COP1: variants seen among roughly 807,000 people sequenced by gnomAD.
COP1 encodes the protein E3 ubiquitin-protein ligase COP1.
In COP1, 24 loss-of-function variants were observed where a neutral mutation model predicts 101.3. The ratio of observed to expected loss-of-function variants is 0.24; its 90% CI spans 0.17 to 0.33. The LOEUF (loss-of-function observed/expected upper bound fraction) is 0.33. COP1 is among the 10% of genes least tolerant of loss of function. The pLI, the probability that COP1 is intolerant of heterozygous loss-of-function variation, is 1.00. For synonymous variants in COP1, 347 were observed against 341.9 expected, an observed-to-expected ratio of 1.01 and a Z score of -0.17; for missense variants, 663 against 906.2, an observed-to-expected ratio of 0.73 and a Z score of 3.45.
At chr1:176,000,694 A>G (rs193195867) in intron 15 of COP1, among the ~76,000 whole-genome samples, 2 of 151,768 alleles carry the variant, frequency 1.3e-5, no homozygotes, top group East Asian at 3.9e-4. Flanking sequence ...AGGGTTCTCA[A>G]CCTGTATATG....
At chr1:175,983,508 G>A (rs540706711) in intron 18 of COP1, among the ~76,000 whole-genome samples, 1 of 152,294 alleles carries the variant, frequency 6.6e-6, no homozygotes, top group South Asian at 2.1e-4. Flanking sequence ...AAATTACCCA[G>A]TCTTGAGTAT....
chr1:176,081,722 AC>A (rs1486171251), intron 10 of COP1, among the ~76,000 whole-genome samples: 1 of 152,120 alleles, frequency 6.6e-6, no homozygotes, highest in Non-Finnish European at 1.5e-5. Context: ...GTTTATAATA[AC>A]ATTTTAGATA....
intron 9 of COP1, among the ~76,000 whole-genome samples, chr1:176,102,304 TAC>T (rs1337434278): frequency 2.6e-4 from 40 of 152,242 alleles, no homozygotes; most frequent in African/African-American, 9.4e-4. Context: ...CTCACCCTTG[TAC>T]GTGCCTGCAA....
chr1:176,107,814 C>T (rs925085972), intron 9 of COP1, among the ~76,000 whole-genome samples: 16 of 152,060 alleles, frequency 1.1e-4, no homozygotes, highest in Non-Finnish European at 2.1e-4. Flanking sequence ...CTAAGGAGGA[C>T]AAAATAGGAC....
intron 3 of COP1, among the ~76,000 whole-genome samples, chr1:176,169,126 TTAA>T (rs1447140148): frequency 2.6e-5 from 4 of 152,132 alleles, no homozygotes; most frequent in African/African-American, 9.7e-5. Flanking sequence ...TCCCATCAAC[TTAA>T]TTAATATAAA....
At chr1:176,078,809 C>CA (rs1251456664) in intron 11 of COP1, among the ~76,000 whole-genome samples, 16 of 151,208 alleles carry the variant, frequency 1.1e-4, no homozygotes, top group Non-Finnish European at 1.3e-4. Context: ...CTGTGAAAAA[C>CA]AAAAAAATCC....
At chr1:176,184,249 T>C (rs1408412978) in intron 2 of COP1, among the ~76,000 whole-genome samples, 2 of 152,226 alleles carry the variant, frequency 1.3e-5, no homozygotes, top group East Asian at 3.8e-4. Flanking sequence ...TAATCCTGTA[T>C]TCTTTTTCCA....
In COP1 at chr1:176,206,910, C is replaced by T; in HGVS notation, c.69G>A (p.Ser23=). The part of the protein sequence containing the change: ...GTSPGSSAAS[S]VTSASSSLSS... Reference sequence around the variant, plus strand: ...ATAAAGACGAGGAGGCGGAAGTCACCGAGGAGGCCGCCGAGGACCCGGGGC... The same window carrying T: ...ATAAAGACGAGGAGGCGGAAGTCACTGAGGAGGCCGCCGAGGACCCGGGGC... Residue 23 remains serine, a synonymous_variant, in exon 1 of 20, where the codon TCG becomes TCA. Transcript: ENST00000367669. 2 of 1,465,324 alleles carry T rather than the reference C, an allele frequency of 1.4e-6. No homozygotes were observed. The highest frequency in any genetic ancestry group is 3.0e-5 in the East Asian group (1 of 33,258). 90.8% of individuals were successfully genotyped at this position (1,465,324 alleles called of 1,614,324 possible). A position where few individuals can be genotyped will look rare whatever the true frequency, so the allele number is the denominator to read the frequency against.
At chr1:176,020,226 G>A (rs1005279747) in intron 15 of COP1, among the ~76,000 whole-genome samples, 29 of 150,314 alleles carry the variant, frequency 1.9e-4, no homozygotes, top group South Asian at 1.3e-3. Context: ...CAGGGGAATC[G>A]CTTGAACTTG....
intron 18 of COP1, among the ~76,000 whole-genome samples, chr1:175,949,467 G>GA (rs534009273): frequency 2.6e-5 from 4 of 152,164 alleles, no homozygotes; most frequent in Admixed American, 6.5e-5. Flanking sequence ...GAAAACAGCA[G>GA]AAAGAGGCAC....
chr1:176,045,581 GAAAAAAAA>G (rs533930344), intron 12 of COP1, among the ~76,000 whole-genome samples: 2 of 101,168 alleles, frequency 2.0e-5, no homozygotes, highest in Non-Finnish European at 4.3e-5. Flanking sequence ...TGTTTAGAAG[GAAAAAAAA>G]AAAAAAAAAA....
At chr1:176,137,477 G>A (rs1440540085) in intron 6 of COP1, among the ~76,000 whole-genome samples, 1 of 152,080 alleles carries the variant, frequency 6.6e-6, no homozygotes, top group African/African-American at 2.4e-5. Context: ...CTAACGCCAG[G>A]ATGCGGTTGT....
At chr1:176,144,010 G>C (rs1691173243) in intron 6 of COP1, among the ~76,000 whole-genome samples, 1 of 152,044 alleles carries the variant, frequency 6.6e-6, no homozygotes, top group Admixed American at 6.6e-5. Flanking sequence ...CATACCTAAT[G>C]GTGACACGTT....
At chr1:176,180,673 A>G (rs1558271087) in intron 2 of COP1, among the ~76,000 whole-genome samples, 1 of 152,248 alleles carries the variant, frequency 6.6e-6, no homozygotes. Flanking sequence ...TTGCTAACAA[A>G]TATAAATATC....
At chr1:176,054,236 C>G (rs1404721380) in intron 11 of COP1, among the ~76,000 whole-genome samples, 2 of 150,718 alleles carry the variant, frequency 1.3e-5, no homozygotes, top group Non-Finnish European at 2.9e-5. Context: ...TCTCGGCTCA[C>G]TGCAACCTCC....
intron 8 of COP1, chr1:176,133,963 A>G (rs1220549408): frequency 9.2e-6 from 4 of 436,762 alleles, no homozygotes; most frequent in Non-Finnish European, 1.8e-5. Flanking sequence ...AGTAAAATAT[A>G]GAAGAAAATC....
At chr1:176,166,337 G>T (rs1024377872) in intron 3 of COP1, among the ~76,000 whole-genome samples, 1 of 152,138 alleles carries the variant, frequency 6.6e-6, no homozygotes, top group Non-Finnish European at 1.5e-5. Flanking sequence ...ATGTTGCCCA[G>T]GCTGATCTTG....
At chr1:176,036,761 T>C (rs1669619418) in intron 14 of COP1, among the ~76,000 whole-genome samples, 2 of 152,210 alleles carry the variant, frequency 1.3e-5, no homozygotes, top group African/African-American at 4.8e-5. Flanking sequence ...GTTATTTTGC[T>C]TAATTGTAGG....
chr1:175,982,451 G>A, intron 18 of COP1: 1 of 455,216 alleles, frequency 2.2e-6, no homozygotes, highest in Non-Finnish European at 4.4e-6. Flanking sequence ...CCTACTCCAT[G>A]TGAAGATGAG....
Sources: allele counts gnomAD v4.1 joint callset (sites outside exome capture counted in the v4.1 genomes callset), GRCh38; gene constraint gnomAD v4.1.1; transcripts MANE v1.5; gene names NCBI Gene and HGNC (gene_info 2026-07-23, HGNC 2026-07-21).